Variants in ACOX1 observed in about 807,000 individuals in gnomAD.
The protein encoded by ACOX1 is peroxisomal acyl-coenzyme A oxidase 1.
ACOX1 carries 41 observed loss-of-function variants against 75.5 expected under a neutral mutation model. That is an observed-to-expected ratio of 0.54 (90% CI 0.42 to 0.70). The LOEUF is 0.70. Ranked by LOEUF, ACOX1 falls within the 30% of genes least tolerant of loss-of-function variation. The pLI, the probability that ACOX1 is intolerant of heterozygous loss-of-function variation, is 0.00. For synonymous variants in ACOX1, 303 were observed against 298.8 expected (o/e 1.01, Z -0.15); for missense variants, 630 against 837.5 (o/e 0.75, Z 3.06).
chr17:75,954,713 A>C (rs2065807967), intron 6 of ACOX1, among the ~76,000 whole-genome samples: 1 of 150,128 alleles, frequency 6.7e-6, no homozygotes, highest in South Asian at 2.1e-4. Context: ...CTGAGATTAC[A>C]GGCGTGTGCC....
In ACOX1 at chr17:75,951,487, G is replaced by T. The variant is rs1346704142; in HGVS notation, c.1035C>A (p.Gly345=). 6.2e-7 allele frequency: 1 copy of T among 1,614,064 alleles called. No homozygotes were observed. Among genetic ancestry groups the T allele is most frequent in the Admixed American group, 1.7e-5 (1 of 59,996 alleles). ...LATAYAFQFV[G]AYMKETYHRI... ...GGTGATAGGTCTCCTTCATGTATGC[G>T]CCCACAAACTGGAAGGCATAGGCAG... Residue 345 remains glycine, a synonymous_variant, in exon 8 of 14, where the codon GGC becomes GGA. Coordinates refer to ENST00000293217, the MANE Select transcript of ACOX1 (RefSeq NM_004035.7).
At chr17:75,961,465 CAAAAAAAAA>C (rs142857967) in intron 2 of ACOX1, among the ~76,000 whole-genome samples, 3 of 50,786 alleles carry the variant, frequency 5.9e-5, no homozygotes, top group South Asian at 9.1e-4. Context: ...ACTAAAAATA[CAAAAAAAAA>C]AAAAAAAAAA....
Position 75,955,109 on chromosome 17 carries a change from C to A in ACOX1, c.774+457G>T, listed in dbSNP as rs562787755. On this transcript the variant is annotated intron_variant, in intron 6 of 13. Transcript: ENST00000293217. The stretch of plus-strand genomic sequence containing the variant: ...GGTCTCCATCTCTTGACCTCATGAT[C>A]TTCCCGCCTCAGCCTCCCAAAAGTG... Among the ~76,000 whole-genome samples the A allele has an allele frequency of 8.0e-5, 12 of 149,706 alleles. No homozygotes were observed. The South Asian group carries it at 2.5e-3, about 31-fold the overall frequency.
At chr17:75,953,647 T>G (rs1410793524) in intron 6 of ACOX1, 27 bp from the exon 7 acceptor site, 5 of 1,613,166 alleles carry the variant, frequency 3.1e-6, no homozygotes, top group Non-Finnish European at 4.2e-6. Context: ...GAACTGATAC[T>G]TCCTTCTTTT....
chr17:75,949,355 A>G lies in ACOX1; in HGVS notation c.1590T>C (p.His530=). The G allele has an allele frequency of 1.2e-6, 2 of 1,614,184 alleles. No homozygotes were observed. Among genetic ancestry groups the G allele is most frequent in the Non-Finnish European group, 1.7e-6 (2 of 1,180,034 alleles). Residue 530 remains histidine, a synonymous_variant, in exon 12 of 14, where the codon CAT becomes CAC. Transcript: ENST00000293217. ...AGAGCTTAACTACCACATAGTGGCA[A>G]TGTGCCTAAGATTAAAAAGAAAACA... ...SVDLVRASEA[H]CHYVVVKLFS...
At position 75,943,120 on chromosome 17, in the gene ACOX1, G is replaced by A. The variant is rs1001514619; in HGVS notation, c.*3628C>T. The A allele has an allele frequency of 3.3e-5, 5 of 151,762 alleles. No individual in the cohort carries two copies. The highest frequency in any genetic ancestry group is 4.9e-5 in the African/African-American group (2 of 41,236). The allele number at this position is 151,762 out of a possible 1,614,324, so 9.4% of individuals were successfully genotyped here. ...AGGTGCCTGTAATCCCAGCTACTCA[G>A]GAGGCTGAGGTGGGAGAATCGCTCG... On this transcript the variant is annotated 3_prime_UTR_variant, in exon 14 of 14. Coordinates refer to ENST00000293217, the MANE Select transcript of ACOX1 (RefSeq NM_004035.7).
At chr17:75,968,385 G>A (rs1325795304) in intron 2 of ACOX1, among the ~76,000 whole-genome samples, 7 of 132,246 alleles carry the variant, frequency 5.3e-5, no homozygotes, top group Admixed American at 7.8e-5. Flanking sequence ...GCAGTGAGCC[G>A]AGATCCCGCC....
chr17:75,965,119 C>A (rs536611254), intron 2 of ACOX1, among the ~76,000 whole-genome samples: 1 of 152,036 alleles, frequency 6.6e-6, no homozygotes. Flanking sequence ...GGGCGCATCA[C>A]GAGGTCAGGA....
At position 75,960,492 on chromosome 17, in the gene ACOX1, C is replaced by A. The variant is rs1384880988; in HGVS notation, c.270-117G>T. On this transcript the variant is annotated intron_variant, in intron 2 of 13. Transcript: ENST00000293217. This position sits in a 1 kb window ranked among gnomAD's most constrained non-coding sequence, Gnocchi z 4.4. ...AAAAACCTTAAGTATGAATTAGTTGCGTGCACTTAATCATAGATGGGAGCA... is the reference window on the plus strand; with the variant it reads ...AAAAACCTTAAGTATGAATTAGTTGAGTGCACTTAATCATAGATGGGAGCA... 6.0e-6 allele frequency: 6 copies of A among 1,006,096 alleles called. No homozygotes were observed. The highest frequency in any genetic ancestry group is 9.1e-6 in the Non-Finnish European group (6 of 662,576). The allele number at this position is 1,006,096 out of a possible 1,614,324, so 62.3% of individuals were successfully genotyped here.
intron 3 of ACOX1, among the ~76,000 whole-genome samples, chr17:75,959,168 A>G (rs1412953545): frequency 6.6e-6 from 1 of 152,234 alleles, no homozygotes; most frequent in African/African-American, 2.4e-5. Context: ...GACCTCATTA[A>G]ACACACTTTG....
intron 7 of ACOX1, among the ~76,000 whole-genome samples, chr17:75,951,934 C>T (rs1238520765): frequency 1.3e-5 from 2 of 151,588 alleles, no homozygotes; most frequent in African/African-American, 4.9e-5. Flanking sequence ...CTTGCCTCAG[C>T]CTCCCACAGT....
chr17:75,970,113 G>A (rs2065978988), intron 2 of ACOX1, among the ~76,000 whole-genome samples: 2 of 148,258 alleles, frequency 1.3e-5, no homozygotes, highest in South Asian at 2.1e-4. Context: ...TCAACCAGGG[G>A]GAGGTGGAGG....
chr17:75,953,339 C>T (rs1406437428), intron 7 of ACOX1, 112 bp downstream of exon 7: 2 of 1,245,690 alleles, frequency 1.6e-6, no homozygotes, highest in Non-Finnish European at 2.3e-6. Context: ...ATCACCCTAG[C>T]CAATTTTGCA....
intron 2 of ACOX1, among the ~76,000 whole-genome samples, chr17:75,961,967 G>A (rs2065892706): frequency 6.6e-6 from 1 of 152,062 alleles, no homozygotes; most frequent in Non-Finnish European, 1.5e-5. Flanking sequence ...CAGAGTGACA[G>A]TATGACCCCC....
intron 3 of ACOX1, among the ~76,000 whole-genome samples, chr17:75,958,022 C>T (rs1245927571): frequency 6.6e-6 from 1 of 152,086 alleles, no homozygotes; most frequent in Non-Finnish European, 1.5e-5. Flanking sequence ...AATGAGATAA[C>T]ATGTGAGAGG....
intron 4 of ACOX1, among the ~76,000 whole-genome samples, chr17:75,956,995 A>C (rs2065837961): frequency 1.5e-5 from 2 of 135,066 alleles, no homozygotes; most frequent in East Asian, 2.2e-4. Context: ...ATATATATAT[A>C]TATATATATA....
intron 2 of ACOX1, among the ~76,000 whole-genome samples, chr17:75,970,770 T>C (rs1034065223): frequency 1.3e-5 from 2 of 152,338 alleles, no homozygotes; most frequent in African/African-American, 4.8e-5. Context: ...CTATATAAGC[T>C]GCTCTATTGC....
At chr17:75,947,536 G>A (rs1202810519) in intron 13 of ACOX1, among the ~76,000 whole-genome samples, 1 of 152,084 alleles carries the variant, frequency 6.6e-6, no homozygotes. Flanking sequence ...TGGCCCTGAT[G>A]TCTTAGATTT....
rs2065734408 is a variant in ACOX1, at chr17:75,947,695, T to C, written c.1935+556A>G. 2.0e-5 allele frequency among the ~76,000 whole-genome samples: 3 copies of C among 150,594 alleles called. No homozygotes were observed. In the Admixed American group the frequency reaches 2.0e-4, roughly 10 times the overall value. On this transcript the variant is annotated intron_variant, in intron 13 of 13. Coordinates refer to ENST00000293217, the MANE Select transcript of ACOX1 (RefSeq NM_004035.7). ...GTATATTTTATTCTATTTGTGTGTG[T>C]GTGTGTGTGTGTATACTTTTTTTTT... is the stretch of plus-strand genomic sequence containing the variant.
Sources: gnomAD v4.1 joint callset for allele counts (sites outside exome capture counted in the v4.1 genomes callset) on GRCh38, gnomAD v4.1.1 for gene constraint, Gnocchi (gnomAD v3.1) non-coding constraint, MANE v1.5 for transcripts, NCBI Gene and HGNC (gene_info 2026-07-23, HGNC 2026-07-21) for gene names.